The following RASGEF1C variants were observed in gnomAD, a reference collection of about 807,000 sequenced individuals.
The protein encoded by RASGEF1C is RasGEF domain family member 1C.
In RASGEF1C, 27 loss-of-function variants were observed where a neutral mutation model predicts 58.1. That is an observed-to-expected ratio of 0.46 (90% confidence interval 0.34 to 0.64). RASGEF1C has a LOEUF of 0.64. Among genes scored for constraint, RASGEF1C ranks in the 30% least tolerant of loss-of-function variants. The pLI is 0.01. For synonymous variants in RASGEF1C, 243 were observed against 246.3 expected (o/e 0.99, Z 0.13); for missense variants, 502 against 605.1 (o/e 0.83, Z 1.79).
intron 6 of RASGEF1C, among the ~76,000 whole-genome samples, chr5:180,126,485 C>A (rs1163851063): frequency 1.3e-5 from 2 of 152,190 alleles, no homozygotes; most frequent in South Asian, 4.1e-4. Flanking sequence ...AGTCAGCATT[C>A]CTAGAGAGTG....
At position 180,101,372 on chromosome 5, in the gene RASGEF1C, G is replaced by A; in HGVS notation, c.*129C>T. ...ACTGTGGGGGGGGGGGGGGCGGGCA[G>A]CAGGCCACAGGGTCGGCATTTGCAA... On this transcript the variant is annotated 3_prime_UTR_variant, in exon 14 of 14. Transcript: ENST00000361132. The A allele has an allele frequency of 1.0e-6, 1 of 976,518 alleles. No individual in the cohort carries two copies. 60.5% of individuals were successfully genotyped at this position (976,518 alleles called of 1,614,324 possible).
In RASGEF1C at chr5:180,158,609, G is replaced by T. The variant is rs1766885475; in HGVS notation, c.-6-20551C>A. Among the ~76,000 whole-genome samples, 1 of 152,120 alleles carries T rather than the reference G, an allele frequency of 6.6e-6. No homozygotes were observed. Among genetic ancestry groups the T allele is most frequent in the Non-Finnish European group, 1.5e-5 (1 of 68,024 alleles). On this transcript the variant is annotated intron_variant, in intron 1 of 13. Transcript: ENST00000361132. The surrounding 1 kb of genome is among the most constrained non-coding windows in gnomAD (Gnocchi z 4.0). ...TGACCTGTCATGCTGGTTTGCCTGGGACTGTCCTAGTTTTAGTACTGAAAA... is the reference window on the plus strand; with the variant it reads ...TGACCTGTCATGCTGGTTTGCCTGGTACTGTCCTAGTTTTAGTACTGAAAA...
At chr5:180,102,276 CT>C in intron 12 of RASGEF1C, 133 bp from the exon 13 acceptor site, 1 of 620,278 alleles carries the variant, frequency 1.6e-6, no homozygotes, top group Non-Finnish European at 2.9e-6. Context: ...CATCCCTCCC[CT>C]AATACTGTGC....
chr5:180,200,271 G>T (rs1320832141), intron 1 of RASGEF1C, among the ~76,000 whole-genome samples: 5 of 146,024 alleles, frequency 3.4e-5, no homozygotes, highest in East Asian at 2.1e-4. Flanking sequence ...AAAATTGATG[G>T]ATTTATTTAA....
chr5:180,141,134 C>T (rs1327520297), intron 1 of RASGEF1C, among the ~76,000 whole-genome samples: 1 of 152,210 alleles, frequency 6.6e-6, no homozygotes. Context: ...GTCTGTATTA[C>T]ACAAAAAGGT....
chr5:180,147,010 G>T (rs1298201745), intron 1 of RASGEF1C, among the ~76,000 whole-genome samples: 4 of 151,994 alleles, frequency 2.6e-5, no homozygotes, highest in Non-Finnish European at 5.9e-5. Flanking sequence ...TCTATTTACG[G>T]TTTCTAATTT....
chr5:180,207,856 C>A (rs1351971205), intron 1 of RASGEF1C, among the ~76,000 whole-genome samples: 1 of 152,118 alleles, frequency 6.6e-6, no homozygotes, highest in Non-Finnish European at 1.5e-5. Context: ...CCTCCCTGAC[C>A]AGACGAAGGC....
intron 10 of RASGEF1C, chr5:180,115,473 TCACTC>T (rs35177368): frequency 0.27 from 76,568 of 281,504 alleles, 11,296 homozygotes; most frequent in East Asian, 0.46. Flanking sequence ...CCCAGACTCT[TCACTC>T]CTGACCTCAT....
At chr5:180,169,535 A>G (rs995084148) in intron 1 of RASGEF1C, among the ~76,000 whole-genome samples, 1 of 144,592 alleles carries the variant, frequency 6.9e-6, no homozygotes, top group South Asian at 2.4e-4. Flanking sequence ...AACAGGGCCC[A>G]AGGGGAAGGT....
At chr5:180,127,448 C>T (rs997139316) in intron 6 of RASGEF1C, among the ~76,000 whole-genome samples, 161 bp downstream of exon 6, 1 of 152,230 alleles carries the variant, frequency 6.6e-6, no homozygotes, top group Non-Finnish European at 1.5e-5. Flanking sequence ...GGTGCGCCCC[C>T]GAGCTGGAGG....
intron 12 of RASGEF1C, among the ~76,000 whole-genome samples, chr5:180,105,272 C>G (rs192676956): frequency 6.6e-6 from 1 of 152,144 alleles, no homozygotes; most frequent in Admixed American, 6.5e-5. Context: ...CATCACTGCT[C>G]AGGTACTTTG....
intron 1 of RASGEF1C, among the ~76,000 whole-genome samples, chr5:180,147,838 AT>A: frequency 6.6e-6 from 1 of 152,188 alleles, no homozygotes; most frequent in South Asian, 2.1e-4. Flanking sequence ...TAAGTCTTTT[AT>A]TTCCTTACTT....
intron 1 of RASGEF1C, among the ~76,000 whole-genome samples, chr5:180,140,964 G>A (rs1766568152): frequency 6.6e-6 from 1 of 152,222 alleles, no homozygotes; most frequent in South Asian, 2.1e-4. Context: ...GGGTCAGGGA[G>A]TGTGCAGAGT....
At chr5:180,113,295 A>G (rs1315923059) in intron 11 of RASGEF1C, among the ~76,000 whole-genome samples, 1 of 75,038 alleles carries the variant, frequency 1.3e-5, no homozygotes, top group African/African-American at 5.4e-5. Flanking sequence ...TCCAGGATGG[A>G]CGGAGGGACC....
In RASGEF1C at chr5:180,129,862, A is replaced by G. The variant is rs577664941; in HGVS notation, c.439-1252T>C. Reference sequence around the variant, plus strand: ...GATGTCTACCTTAACAAACCCAGCCAGTCTGATGGCACTTCCTTGGAAATA... The same window carrying G: ...GATGTCTACCTTAACAAACCCAGCCGGTCTGATGGCACTTCCTTGGAAATA... On this transcript the variant is annotated intron_variant, in intron 4 of 13. Transcript: ENST00000361132. 1.0e-4 allele frequency among the ~76,000 whole-genome samples: 14 copies of G among 138,942 alleles called. No individual in the cohort carries two copies. The South Asian group carries it at 3.3e-3, about 33-fold the overall frequency. 91.2% of individuals were successfully genotyped at this position (138,942 alleles called of 152,430 possible).
At chr5:180,173,724 C>A (rs550745719) in intron 1 of RASGEF1C, among the ~76,000 whole-genome samples, 4 of 152,010 alleles carry the variant, frequency 2.6e-5, no homozygotes, top group Admixed American at 2.0e-4. Context: ...ACCAGCCTGG[C>A]CAACATGGTG....
intron 1 of RASGEF1C, among the ~76,000 whole-genome samples, chr5:180,208,142 G>A (rs942098626): frequency 1.4e-4 from 21 of 152,134 alleles, no homozygotes; most frequent in Non-Finnish European, 2.4e-4. Context: ...TACCAGAGGT[G>A]GGACCCCAGC....
intron 1 of RASGEF1C, among the ~76,000 whole-genome samples, chr5:180,174,588 G>T (rs1304291277): frequency 2.0e-5 from 1 of 49,518 alleles, no homozygotes; most frequent in Non-Finnish European, 4.1e-5. Context: ...GTGTGCGCAC[G>T]TGTGTGTGTG....
At chr5:180,201,996 T>A (rs1756403523) in intron 1 of RASGEF1C, among the ~76,000 whole-genome samples, 1 of 152,024 alleles carries the variant, frequency 6.6e-6, no homozygotes, top group South Asian at 2.1e-4. Context: ...CACTAAAAAT[T>A]CAGACACATG....
Sources: gnomAD v4.1 joint callset for allele counts (sites outside exome capture counted in the v4.1 genomes callset) on GRCh38, gnomAD v4.1.1 for gene constraint, Gnocchi (gnomAD v3.1) non-coding constraint, MANE v1.5 for transcripts, NCBI Gene and HGNC (gene_info 2026-07-23, HGNC 2026-07-21) for gene names.